Variants in CARS2 observed in about 807,000 individuals in gnomAD.
CARS2 encodes the protein cysteinyl-tRNA synthetase 2, mitochondrial.
A neutral mutation model predicts 68.8 loss-of-function variants in CARS2; 52 were observed. The ratio of observed to expected loss-of-function variants is 0.76; its 90% CI spans 0.61 to 0.95. The LOEUF (loss-of-function observed/expected upper bound fraction) is 0.95, where lower values mean the gene tolerates loss of function less well. Among genes scored for constraint, CARS2 ranks in the 40% least tolerant of loss-of-function variants. The pLI is 0.00. For missense variants in CARS2, 780 were observed against 754.2 expected (o/e 1.03, Z -0.40); for synonymous variants, 314 against 303.6 (o/e 1.03, Z -0.36).
In CARS2 at chr13:110,668,072, C is replaced by A. The variant is rs772901378; in HGVS notation, c.786-599G>T. On this transcript the variant is annotated intron_variant, in intron 7 of 14. Transcript: ENST00000257347. This position sits in a 1 kb window ranked among gnomAD's most constrained non-coding sequence, Gnocchi z 4.1. The stretch of plus-strand genomic sequence containing the variant: ...GCAGAAGCATGGCGACGCAGCAGGC[C>A]GGTGGATTTTCTTAAAATGATAGAT... Among the ~76,000 whole-genome samples, 3 of 152,170 alleles carry A rather than the reference C, an allele frequency of 2.0e-5. No individual in the cohort carries two copies. The highest frequency in any genetic ancestry group is 4.4e-5 in the Non-Finnish European group (3 of 68,024).
chr13:110,675,350 T>C (rs2062915886), intron 7 of CARS2, among the ~76,000 whole-genome samples: 1 of 152,308 alleles, frequency 6.6e-6, no homozygotes, highest in South Asian at 2.1e-4. Flanking sequence ...AAATGTGGCA[T>C]ATATACACCA....
In CARS2 at chr13:110,688,033, G is replaced by C; in HGVS notation, c.394-15C>G. ...GAAATATTCATCTGCAGAAGGATTA[G>C]ATGTGCACGTTAATGAGTCTGGGGC... On this transcript the variant is annotated splice_polypyrimidine_tract_variant and intron_variant, in intron 3 of 14. Transcript: ENST00000257347. 6.3e-7 allele frequency: 1 copy of C among 1,585,618 alleles called. No homozygotes were observed. Among genetic ancestry groups the C allele is most frequent in the East Asian group, 2.2e-5 (1 of 44,732 alleles).
chr13:110,655,127 C>T (rs1416574703), intron 9 of CARS2, among the ~76,000 whole-genome samples: 3 of 151,992 alleles, frequency 2.0e-5, no homozygotes, highest in African/African-American at 4.8e-5. Context: ...TTCTGATGTG[C>T]GATTCTACCT....
intron 3 of CARS2, among the ~76,000 whole-genome samples, chr13:110,697,341 A>G (rs2063652697): frequency 6.6e-6 from 1 of 152,260 alleles, no homozygotes; most frequent in African/African-American, 2.4e-5. Flanking sequence ...TTAAAGTGGG[A>G]GCCGATTTCC....
At chr13:110,698,990 C>T (rs908299791) in intron 3 of CARS2, among the ~76,000 whole-genome samples, 2 of 150,782 alleles carry the variant, frequency 1.3e-5, no homozygotes, top group African/African-American at 2.4e-5. Flanking sequence ...CCAGCCTAGG[C>T]GACACAGTGT....
intron 13 of CARS2, chr13:110,643,065 TAAG>T (rs1181832403): frequency 3.3e-6 from 1 of 301,160 alleles, no homozygotes; most frequent in Non-Finnish European, 6.6e-6. Context: ...GTGTGTAAAA[TAAG>T]AAACAGACAC....
At chr13:110,713,157 A>G in exon 1 of CARS2, 3 of 1,430,616 alleles carry the variant, frequency 2.1e-6, no homozygotes, top group Non-Finnish European at 2.7e-6. Context: ...CCTCCTCTTC[A>G]TCGTGATTGG....
intron 5 of CARS2, among the ~76,000 whole-genome samples, chr13:110,685,934 C>T (rs1322877431): frequency 6.8e-6 from 1 of 147,080 alleles, no homozygotes; most frequent in Non-Finnish European, 1.5e-5. Context: ...ACAGACTGCT[C>T]CACAGGAAAA....
intron 5 of CARS2, 56 bp from the exon 6 acceptor site, chr13:110,683,190 T>G: frequency 8.2e-7 from 1 of 1,221,712 alleles, no homozygotes; most frequent in Non-Finnish European, 1.1e-6. Context: ...ATCAGCATAT[T>G]GACAACCTTA....
chr13:110,682,905 C>G, intron 6 of CARS2, 146 bp downstream of exon 6: 1 of 482,118 alleles, frequency 2.1e-6, no homozygotes, highest in East Asian at 3.4e-5. Flanking sequence ...TCCACAGAAA[C>G]CACACTAAAT....
upstream of CARS2, among the ~76,000 whole-genome samples, chr13:110,710,802 A>G (rs970906756): frequency 3.3e-5 from 5 of 152,244 alleles, no homozygotes; most frequent in African/African-American, 7.2e-5. Context: ...CGCACGGACC[A>G]GTAGTTGGCA....
chr13:110,673,173 T>C (rs1245853849), intron 7 of CARS2, among the ~76,000 whole-genome samples: 8 of 152,140 alleles, frequency 5.3e-5, no homozygotes, highest in Admixed American at 2.0e-4. Flanking sequence ...CTGAAATTAT[T>C]ACAATCAACA....
chr13:110,662,926 A>T (rs371791513), intron 9 of CARS2: 1 of 446,030 alleles, frequency 2.2e-6, no homozygotes, highest in East Asian at 7.0e-5. Flanking sequence ...AGTTCAAACT[A>T]TGTCAGCCAG....
chr13:110,682,469 A>C (rs2063185267), intron 6 of CARS2, among the ~76,000 whole-genome samples: 1 of 152,260 alleles, frequency 6.6e-6, no homozygotes. Flanking sequence ...GACAGTGCCT[A>C]AAACCAGAAA....
intron 13 of CARS2, 126 bp from the exon 14 acceptor site, chr13:110,642,647 T>C (rs781648351): frequency 2.1e-6 from 2 of 935,186 alleles, no homozygotes; most frequent in South Asian, 1.3e-5. Flanking sequence ...TCCCTGCAGC[T>C]GGGCCTCTTT....
chr13:110,683,054 G>C lies in CARS2; in HGVS notation c.652C>G (p.Pro218Ala). 1.9e-6 allele frequency: 3 copies of C among 1,599,144 alleles called. No homozygotes were observed. The highest frequency in any genetic ancestry group is 2.6e-6 in the Non-Finnish European group (3 of 1,174,902). The part of the protein sequence containing the change: ...VGVVPGPVGE[P>A]ADSDKRHASD... ...GGGCTGAGCCCGGCCAACCCACCTGGCTCTCCGACTGGACCAGGGACCACG... is the reference window on the plus strand; with the variant it reads ...GGGCTGAGCCCGGCCAACCCACCTGCCTCTCCGACTGGACCAGGGACCACG... The change falls in exon 6 of 15, where the codon CCA becomes GCA. Residue 218 changes from proline to alanine, a missense_variant. Physicochemically the swap from Pro to Ala is conservative, Grantham distance 27. Coordinates refer to ENST00000257347, the MANE Select transcript of CARS2 (RefSeq NM_024537.4).
intron 1 of CARS2, chr13:110,712,900 AAAGG>A (rs2064049618): frequency 6.6e-7 from 1 of 1,520,052 alleles, no homozygotes; most frequent in South Asian, 1.2e-5. Context: ...GAGACGACAC[AAAGG>A]GAGGGCGGTG....
chr13:110,694,581 G>A (rs12429153), intron 3 of CARS2, among the ~76,000 whole-genome samples: 41,868 of 151,898 alleles, frequency 0.28, 6,243 homozygotes, highest in Admixed American at 0.4. Flanking sequence ...AGGTTGCGCT[G>A]GGCTGAGATC....
intron 7 of CARS2, among the ~76,000 whole-genome samples, chr13:110,673,558 G>A (rs1185362545): frequency 1.1e-4 from 17 of 152,162 alleles, no homozygotes; most frequent in East Asian, 7.7e-4. Context: ...TTGATGGGGC[G>A]TATCTCAAAA....
Sources: gnomAD v4.1 joint callset for allele counts (sites outside exome capture counted in the v4.1 genomes callset) on GRCh38, gnomAD v4.1.1 for gene constraint, Gnocchi (gnomAD v3.1) non-coding constraint, MANE v1.5 for transcripts, NCBI Gene and HGNC (gene_info 2026-07-23, HGNC 2026-07-21) for gene names.